Variants in MAPRE2 observed in about 807,000 individuals in gnomAD.
MAPRE2 encodes microtubule-associated protein RP/EB family member 2.
Under a neutral mutation model 43.2 loss-of-function variants are expected in MAPRE2, and 13 were observed. That is an observed-to-expected ratio of 0.30 (90% CI 0.20 to 0.48). MAPRE2 has a LOEUF of 0.48. Among genes scored for constraint, MAPRE2 ranks in the 20% least tolerant of loss-of-function variants. The probability of loss-of-function intolerance (pLI) is 0.99; values close to 1 mark genes in which losing one functional copy is unlikely to be tolerated. For missense variants in MAPRE2, 161 were observed against 400.2 expected (o/e 0.40, Z 5.10); for synonymous variants, 135 against 148.8 (o/e 0.91, Z 0.68).
At chr18:35,023,676 G>A (rs949858332) in intron 2 of MAPRE2, among the ~76,000 whole-genome samples, 1 of 151,940 alleles carries the variant, frequency 6.6e-6, no homozygotes, top group Non-Finnish European at 1.5e-5. Context: ...AGAGGCAATT[G>A]GAGAAGAATT....
intron 1 of MAPRE2, among the ~76,000 whole-genome samples, chr18:35,046,809 G>C (rs1181477092): frequency 6.6e-6 from 1 of 152,178 alleles, no homozygotes; most frequent in Non-Finnish European, 1.5e-5. Context: ...TCCTTGAGTA[G>C]AAGCAATGAA....
At chr18:35,121,001 C>T (rs1213792267) in intron 4 of MAPRE2, among the ~76,000 whole-genome samples, 5 of 152,150 alleles carry the variant, frequency 3.3e-5, no homozygotes, top group African/African-American at 4.8e-5. Flanking sequence ...TGCACACGCT[C>T]ATGTTTTTAA....
chr18:35,001,368 A>G (rs1285960562), intron 1 of MAPRE2, among the ~76,000 whole-genome samples: 1 of 152,128 alleles, frequency 6.6e-6, no homozygotes, highest in Non-Finnish European at 1.5e-5. Flanking sequence ...TACAAAAATT[A>G]GTGGGTGTGG....
intron 1 of MAPRE2, among the ~76,000 whole-genome samples, chr18:34,999,953 G>A (rs372761305): frequency 2.0e-5 from 3 of 151,920 alleles, no homozygotes; most frequent in South Asian, 2.1e-4. Flanking sequence ...GAGGCAGTGC[G>A]TGGCGGCGGA....
intron 4 of MAPRE2, among the ~76,000 whole-genome samples, chr18:35,106,813 C>T (rs1236250218): frequency 6.6e-6 from 1 of 152,022 alleles, no homozygotes; most frequent in Non-Finnish European, 1.5e-5. Context: ...GGAGTTGCAT[C>T]TTGAATTGGT....
intron 1 of MAPRE2, among the ~76,000 whole-genome samples, chr18:35,064,607 A>C (rs1304914103): frequency 1.3e-5 from 2 of 152,192 alleles, no homozygotes; most frequent in African/African-American, 4.8e-5. Context: ...AAAATTGTTG[A>C]GTATTTTGTA....
chr18:35,056,560 C>T (rs1477289113), intron 1 of MAPRE2, among the ~76,000 whole-genome samples: 1 of 152,106 alleles, frequency 6.6e-6, no homozygotes, highest in African/African-American at 2.4e-5. Flanking sequence ...GGGACTTTAC[C>T]AAATTTTTAA....
At chr18:35,115,616 G>C (rs937240020) in intron 4 of MAPRE2, among the ~76,000 whole-genome samples, 2 of 151,764 alleles carry the variant, frequency 1.3e-5, no homozygotes, top group Admixed American at 6.6e-5. Context: ...ATGAGAACAC[G>C]CACTATTTGA....
intron 1 of MAPRE2, among the ~76,000 whole-genome samples, chr18:35,060,556 G>A (rs955908476): frequency 6.6e-5 from 10 of 152,128 alleles, no homozygotes; most frequent in African/African-American, 1.7e-4. Context: ...ATCCATGGAC[G>A]TTATGAATGC....
At chr18:35,070,825 C>G (rs987473454) in intron 2 of MAPRE2, among the ~76,000 whole-genome samples, 1 of 152,194 alleles carries the variant, frequency 6.6e-6, no homozygotes, top group African/African-American at 2.4e-5. Context: ...AGACTCTTTC[C>G]CTTTTGTATC....
intron 2 of MAPRE2, 92 bp from the exon 3 acceptor site, chr18:35,097,354 C>A: frequency 1.8e-6 from 2 of 1,114,126 alleles, no homozygotes; most frequent in South Asian, 1.5e-5. Flanking sequence ...GATGATGGTG[C>A]CTGTAAGGAC....
At chr18:35,133,371 C>G (rs899309600) in intron 6 of MAPRE2, among the ~76,000 whole-genome samples, 1 of 151,914 alleles carries the variant, frequency 6.6e-6, no homozygotes, top group East Asian at 1.9e-4. Context: ...TCATAAAATA[C>G]GGTTCTCAGT....
intron 2 of MAPRE2, among the ~76,000 whole-genome samples, chr18:35,081,010 G>A (rs932957536): frequency 5.3e-5 from 8 of 152,104 alleles, no homozygotes; most frequent in African/African-American, 1.4e-4. Flanking sequence ...GTTTCTCTTC[G>A]CATTCTGCAT....
rs1233376529 is a variant in MAPRE2, at chr18:35,129,220, C to T, written c.750+2133C>T. Among the ~76,000 whole-genome samples the T allele has an allele frequency of 3.9e-5, 6 of 152,324 alleles. No individual in the cohort carries two copies. In the East Asian group the frequency reaches 1.2e-3, roughly 29 times the overall value. On this transcript the variant is annotated intron_variant, in intron 5 of 6. Coordinates refer to ENST00000300249, the MANE Select transcript of MAPRE2 (RefSeq NM_014268.4). ...GTCCTTCAATCAGTATTACTGAGCA[C>T]TTACTCCAAATTTATATCCGTGGTT... is the stretch of plus-strand genomic sequence containing the variant.
At chr18:35,011,678 T>C (rs886573159) in intron 2 of MAPRE2, among the ~76,000 whole-genome samples, 2 of 152,280 alleles carry the variant, frequency 1.3e-5, no homozygotes, top group Non-Finnish European at 1.5e-5. Flanking sequence ...CATCTGGCTA[T>C]AGTGGTGACA....
At chr18:35,101,874 A>T (rs1368669112) in intron 3 of MAPRE2, 72 bp from the exon 4 acceptor site, 4 of 1,094,068 alleles carry the variant, frequency 3.7e-6, no homozygotes, top group Non-Finnish European at 5.3e-6. Flanking sequence ...TTTTTGAGAT[A>T]CTGATTTCCT....
intron 2 of MAPRE2, 79 bp from the exon 3 acceptor site, chr18:35,097,367 T>G: frequency 7.5e-7 from 1 of 1,341,634 alleles, no homozygotes; most frequent in Non-Finnish European, 1.0e-6. Flanking sequence ...GTAAGGACAA[T>G]CCCCTTCCAG....
At chr18:35,007,254 G>T (rs1568969559) in intron 2 of MAPRE2, among the ~76,000 whole-genome samples, 1 of 152,148 alleles carries the variant, frequency 6.6e-6, no homozygotes, top group Non-Finnish European at 1.5e-5. Context: ...TGTGTTCCTG[G>T]AAAATAGTCT....
At chr18:35,039,186 C>T (rs916697916), upstream of MAPRE2, among the ~76,000 whole-genome samples, 1 of 152,214 alleles carries the variant, frequency 6.6e-6, no homozygotes, top group African/African-American at 2.4e-5. Flanking sequence ...ACTCTGAGGA[C>T]ATTAAATATT....
Sources: allele counts gnomAD v4.1 joint callset (sites outside exome capture counted in the v4.1 genomes callset), GRCh38; gene constraint gnomAD v4.1.1; transcripts MANE v1.5; gene names NCBI Gene and HGNC (gene_info 2026-07-23, HGNC 2026-07-21).